The following PINX1 variants were observed in gnomAD, a reference collection of about 807,000 sequenced individuals.
PINX1 encodes the protein PIN2/TERF1-interacting telomerase inhibitor 1.
Under a neutral mutation model 25.4 loss-of-function variants are expected in PINX1, and 34 were observed. The observed-to-expected ratio is 1.34, with a 90% CI of 1.02 to 1.78. The LOEUF (loss-of-function observed/expected upper bound fraction) is 1.78. Ranked by LOEUF, PINX1 falls within the 40% of genes most tolerant of loss-of-function variation. The probability of loss-of-function intolerance (pLI) is 0.00; values close to 1 mark genes in which losing one functional copy is unlikely to be tolerated. For synonymous variants in PINX1, 197 were observed against 147.7 expected, an observed-to-expected ratio of 1.33 and a Z score of -2.42; for missense variants, 592 against 404.9, an observed-to-expected ratio of 1.46 and a Z score of -3.97.
intron 6 of PINX1, among the ~76,000 whole-genome samples, chr8:10,804,481 G>T (rs1034328340): frequency 3.9e-5 from 6 of 152,136 alleles, no homozygotes; most frequent in African/African-American, 1.4e-4. Flanking sequence ...AGGGTCTGGT[G>T]TGTGTGTTAA....
chr8:10,790,413 C>T (rs570463766), intron 6 of PINX1, among the ~76,000 whole-genome samples: 3 of 152,282 alleles, frequency 2.0e-5, no homozygotes, highest in African/African-American at 7.2e-5. Context: ...GATGAGATGA[C>T]AGGCAAGCCA....
At chr8:10,775,908 C>G (rs909394617) in intron 6 of PINX1, among the ~76,000 whole-genome samples, 119 of 151,730 alleles carry the variant, frequency 7.8e-4, no homozygotes, top group African/African-American at 2.7e-3. Flanking sequence ...TACAACATCT[C>G]AGGAAGCTTT....
chr8:10,783,410 C>A (rs1801653545), intron 6 of PINX1, among the ~76,000 whole-genome samples: 1 of 152,148 alleles, frequency 6.6e-6, no homozygotes, highest in South Asian at 2.1e-4. Flanking sequence ...TGTTGTTCCC[C>A]AAAAGGACCT....
chr8:10,817,618 T>A (rs1797739977), intron 6 of PINX1, among the ~76,000 whole-genome samples: 1 of 152,234 alleles, frequency 6.6e-6, no homozygotes. Flanking sequence ...TGCAGGCATG[T>A]CAAAAGGAAA....
chr8:10,835,321 T>G (rs1798370814), intron 1 of PINX1, among the ~76,000 whole-genome samples: 2 of 152,212 alleles, frequency 1.3e-5, no homozygotes, highest in African/African-American at 2.4e-5. Context: ...CTGGCAGATA[T>G]GAAAATCTGA....
intron 6 of PINX1, among the ~76,000 whole-genome samples, chr8:10,772,185 T>C (rs899836370): frequency 6.6e-6 from 1 of 152,236 alleles, no homozygotes; most frequent in East Asian, 1.9e-4. Flanking sequence ...CATACAAAGG[T>C]AAGCAGCTCA....
rs532707899 is a variant in PINX1 at position 10,815,305 on chromosome 8, T to C, written c.471+4888A>G. 2.0e-5 allele frequency among the ~76,000 whole-genome samples: 3 copies of C among 152,344 alleles called. No individual in the cohort carries two copies. In the East Asian group the frequency reaches 5.8e-4, roughly 29 times the overall value. ...GACAGAAAGCATGATTTAAGTTTCA[T>C]AAACATGTCCTAGAAATCTTGCATT... On this transcript the variant is annotated intron_variant, in intron 6 of 6. Transcript: ENST00000314787.
At chr8:10,779,764 G>C (rs1227023977) in intron 6 of PINX1, among the ~76,000 whole-genome samples, 1 of 152,068 alleles carries the variant, frequency 6.6e-6, no homozygotes, top group Non-Finnish European at 1.5e-5. Flanking sequence ...TATAAACTCA[G>C]GATATATTTT....
At chr8:10,818,564 G>C (rs748194031) in intron 6 of PINX1, among the ~76,000 whole-genome samples, 1 of 152,172 alleles carries the variant, frequency 6.6e-6, no homozygotes, top group Non-Finnish European at 1.5e-5. Flanking sequence ...TTTCATAGAG[G>C]GTGTCCGGGA....
intron 6 of PINX1, among the ~76,000 whole-genome samples, chr8:10,799,339 G>C (rs555390012): frequency 6.6e-6 from 1 of 152,312 alleles, no homozygotes. Flanking sequence ...TCACGTGTTT[G>C]CTGTTGCTTT....
intron 5 of PINX1, among the ~76,000 whole-genome samples, 170 bp downstream of exon 5, chr8:10,825,982 T>A (rs897352192): frequency 6.6e-6 from 1 of 152,242 alleles, no homozygotes; most frequent in Non-Finnish European, 1.5e-5. Context: ...TCTAACAAGA[T>A]CCTCAGGCAC....
chr8:10,820,175 C>T lies in PINX1; in HGVS notation c.471+18G>A. ...ACAGTATTAAAGCGGAACACGGAAA[C>T]TGTACGTGGCTTTATACCTCGGGAG... On this transcript the variant is annotated intron_variant, in intron 6 of 6. Coordinates refer to ENST00000314787, the MANE Select transcript of PINX1 (RefSeq NM_017884.6). 6.6e-7 allele frequency: 1 copy of T among 1,516,324 alleles called. No homozygotes were observed. The highest frequency in any genetic ancestry group is 2.3e-5 in the East Asian group (1 of 44,410). 93.9% of individuals were successfully genotyped at this position (1,516,324 alleles called of 1,614,324 possible).
In PINX1 at chr8:10,765,374, G is replaced by A; in HGVS notation, c.*27C>T. On this transcript the variant is annotated 3_prime_UTR_variant, in exon 7 of 7. Coordinates refer to ENST00000314787, the MANE Select transcript of PINX1 (RefSeq NM_017884.6). ...CCCCGCAGTGCCCTGACAGCTGAGT[G>A]GTCGGAAGGCCCCGGCTGGGAAGGA... is the stretch of plus-strand genomic sequence containing the variant. The A allele has an allele frequency of 6.4e-7, 1 of 1,554,420 alleles. No homozygotes were observed. Among genetic ancestry groups the A allele is most frequent in the Non-Finnish European group, 8.7e-7 (1 of 1,155,870 alleles).
chr8:10,776,087 T>C (rs1801384400), intron 6 of PINX1, among the ~76,000 whole-genome samples: 1 of 152,112 alleles, frequency 6.6e-6, no homozygotes, highest in South Asian at 2.1e-4. Flanking sequence ...CCTAGATAAG[T>C]CCATAGCACT....
At chr8:10,797,750 C>A (rs1802131930) in intron 6 of PINX1, among the ~76,000 whole-genome samples, 1 of 152,138 alleles carries the variant, frequency 6.6e-6, no homozygotes, top group Non-Finnish European at 1.5e-5. Flanking sequence ...AGAAAGAAAA[C>A]AGCTTATTTT....
At position 10,801,858 on chromosome 8, in the gene PINX1, A is replaced by G. The variant is rs149368852; in HGVS notation, c.471+18335T>C. Among the ~76,000 whole-genome samples, 68 of 152,322 alleles carry G rather than the reference A, an allele frequency of 4.5e-4. 1 individual carries two copies. The East Asian group carries it at 0.013, about 29-fold the overall frequency. ...TTGCCTAAAAGATAAAGGAACCTCC[A>G]TCGCTGACCACGGGTATCGTCCTGG... On this transcript the variant is annotated intron_variant, in intron 6 of 6. Coordinates refer to ENST00000314787, the MANE Select transcript of PINX1 (RefSeq NM_017884.6).
rs1802484425 is a variant in PINX1, at chr8:10,807,329, C to CAA, written c.471+12863_471+12864insTT. Among the ~76,000 whole-genome samples the CAA allele has an allele frequency of 3.3e-4, 21 of 63,502 alleles. 1 individual carries two copies. The highest frequency in any genetic ancestry group is 5.1e-5 in the Non-Finnish European group (2 of 39,528). The allele number at this position is 63,502 out of a possible 152,430, so 41.7% of individuals were successfully genotyped here. A position where few individuals can be genotyped will look rare whatever the true frequency, so the allele number is the denominator to read the frequency against. ...AAAATCAAGAAAATCCCCCCCCCAC[C>CAA]CCCCCCCCCACCAAAGTAGAACAAA... On this transcript the variant is annotated intron_variant, in intron 6 of 6. Transcript: ENST00000314787.
At chr8:10,816,715 T>C (rs1225413423) in intron 6 of PINX1, among the ~76,000 whole-genome samples, 1 of 152,254 alleles carries the variant, frequency 6.6e-6, no homozygotes, top group Non-Finnish European at 1.5e-5. Context: ...CAACAGAAGC[T>C]GCTAAGGCCT....
chr8:10,809,171 G>C (rs1464939839), intron 6 of PINX1, among the ~76,000 whole-genome samples: 1 of 152,178 alleles, frequency 6.6e-6, no homozygotes, highest in Non-Finnish European at 1.5e-5. Context: ...CCTGTGGAGT[G>C]ACCAAAAGGA....
Sources: allele counts gnomAD v4.1 joint callset (sites outside exome capture counted in the v4.1 genomes callset), GRCh38; gene constraint gnomAD v4.1.1; transcripts MANE v1.5; gene names NCBI Gene and HGNC (gene_info 2026-07-23, HGNC 2026-07-21).